Variants in CNTN3 observed in about 807,000 individuals in gnomAD.
CNTN3 encodes contactin-3.
A neutral mutation model predicts 119.1 loss-of-function variants in CNTN3; 60 were observed. The ratio of observed to expected loss-of-function variants is 0.50; its 90% CI spans 0.41 to 0.62. The LOEUF is 0.62. CNTN3 is among the 20% of genes least tolerant of loss of function. The probability of loss-of-function intolerance (pLI) is 0.00; values close to 1 mark genes in which losing one functional copy is unlikely to be tolerated. For missense variants in CNTN3, 1,101 were observed against 1,242.4 expected (o/e 0.89, Z 1.71); for synonymous variants, 450 against 438.7 (o/e 1.03, Z -0.32).
chr3:74,373,832 G>C (rs1406962019), intron 5 of CNTN3, among the ~76,000 whole-genome samples: 1 of 152,106 alleles, frequency 6.6e-6, no homozygotes, highest in East Asian at 1.9e-4. Flanking sequence ...GGTAGAAGAA[G>C]GAAGGAAGCC....
chr3:74,448,414 CTCTTCATCCTTAT>C (rs1702087042), intron 4 of CNTN3, among the ~76,000 whole-genome samples: 1 of 152,168 alleles, frequency 6.6e-6, no homozygotes, highest in Admixed American at 6.6e-5. Context: ...CATGAACTCA[CTCTTCATCCTTAT>C]TCTCCAAAAT....
At chr3:74,440,581 T>C (rs1231814511) in intron 4 of CNTN3, among the ~76,000 whole-genome samples, 1 of 152,140 alleles carries the variant, frequency 6.6e-6, no homozygotes, top group Non-Finnish European at 1.5e-5. Context: ...CATTGGTGGA[T>C]TGAACCAATT....
rs1380377807 is a variant in CNTN3 at position 74,556,135 on chromosome 3, A to G, written c.-80-34943T>C. Among the ~76,000 whole-genome samples the G allele has an allele frequency of 3.3e-5, 5 of 152,176 alleles. No individual in the cohort carries two copies. In the South Asian group the frequency reaches 1.0e-3, roughly 31 times the overall value. Reference sequence around the variant, plus strand: ...GATAATGCCCACTTTTTAAATAACCAAGTGGTTTATCAAGGTATACTTCAC... The same window carrying G: ...GATAATGCCCACTTTTTAAATAACCGAGTGGTTTATCAAGGTATACTTCAC... On this transcript the variant is annotated intron_variant, in intron 1 of 22. Transcript: ENST00000263665.
chr3:74,514,589 ACT>A (rs561288745), intron 2 of CNTN3, among the ~76,000 whole-genome samples: 29 of 152,060 alleles, frequency 1.9e-4, no homozygotes, highest in Admixed American at 1.5e-3. Flanking sequence ...AGATAAAATG[ACT>A]CTATCTTCTC....
chr3:74,475,899 T>TTCAGCTC (rs1304411760), intron 4 of CNTN3, among the ~76,000 whole-genome samples: 1 of 152,198 alleles, frequency 6.6e-6, no homozygotes, highest in Non-Finnish European at 1.5e-5. Flanking sequence ...GCCTTCTTGT[T>TTCAGCTC]TCAGCTCTCA....
chr3:74,411,569 T>C (rs532996215), intron 5 of CNTN3, among the ~76,000 whole-genome samples: 1 of 152,352 alleles, frequency 6.6e-6, no homozygotes, highest in East Asian at 1.9e-4. Context: ...GAAAAAGTTT[T>C]CTTTTTTAAT....
At chr3:74,433,907 A>T (rs907637011) in intron 4 of CNTN3, among the ~76,000 whole-genome samples, 1 of 152,122 alleles carries the variant, frequency 6.6e-6, no homozygotes, top group Non-Finnish European at 1.5e-5. Flanking sequence ...GGGCTCTGCC[A>T]GGATTAGAGC....
chr3:74,285,838 T>A lies in CNTN3; in HGVS notation c.2518-347A>T, dbSNP rs28503689. ...ATATATATATATATATATATATATA[T>A]AAAATTAAAAATAGGAACAAAGTGT... On this transcript the variant is annotated intron_variant, in intron 19 of 22. Transcript: ENST00000263665. Among the ~76,000 whole-genome samples the A allele has an allele frequency of 1.6e-3, 188 of 115,142 alleles. 1 individual carries two copies. The highest frequency in any genetic ancestry group is 5.2e-3 in the African/African-American group (158 of 30,152). 75.5% of individuals were successfully genotyped at this position (115,142 alleles called of 152,430 possible).
At chr3:74,513,292 C>G (rs1023105963) in intron 2 of CNTN3, among the ~76,000 whole-genome samples, 4 of 152,150 alleles carry the variant, frequency 2.6e-5, no homozygotes, top group Non-Finnish European at 5.9e-5. Context: ...TGACACCAAT[C>G]AATGTCACAA....
chr3:74,388,665 A>G (rs1308057218), intron 5 of CNTN3, among the ~76,000 whole-genome samples: 2 of 152,174 alleles, frequency 1.3e-5, no homozygotes, highest in Non-Finnish European at 2.9e-5. Context: ...AATACACAAT[A>G]TACCCTACCC....
At chr3:74,430,677 G>A (rs1701768645) in intron 4 of CNTN3, among the ~76,000 whole-genome samples, 1 of 152,126 alleles carries the variant, frequency 6.6e-6, no homozygotes, top group African/African-American at 2.4e-5. Flanking sequence ...AGGGTACTAT[G>A]AGGGATCCTT....
Position 74,403,870 on chromosome 3 carries a change from G to A in CNTN3, c.454+20975C>T, listed in dbSNP as rs188313196. ...TGGATTGACTGAGACTCCCTGCTCTGTCTACTCTTCTCTTTCCTTTTTTTT... is the reference window on the plus strand; with the variant it reads ...TGGATTGACTGAGACTCCCTGCTCTATCTACTCTTCTCTTTCCTTTTTTTT... On this transcript the variant is annotated intron_variant, in intron 5 of 22. Coordinates refer to ENST00000263665, the MANE Select transcript of CNTN3 (RefSeq NM_020872.3). Among the ~76,000 whole-genome samples the A allele has an allele frequency of 5.2e-4, 78 of 151,096 alleles. 1 individual carries two copies. The highest frequency in any genetic ancestry group is 1.8e-3 in the African/African-American group (72 of 40,668).
At chr3:74,563,018 G>A (rs989881062) in intron 1 of CNTN3, among the ~76,000 whole-genome samples, 1 of 152,098 alleles carries the variant, frequency 6.6e-6, no homozygotes, top group African/African-American at 2.4e-5. Flanking sequence ...CAATTAGATT[G>A]CCTGATTAGC....
rs117087177 is a variant in CNTN3, at chr3:74,401,558, A to G, written c.454+23287T>C. Among the ~76,000 whole-genome samples, 121 of 152,238 alleles carry G rather than the reference A, an allele frequency of 7.9e-4. 3 individuals carry two copies. In the East Asian group the frequency reaches 0.022, roughly 28 times the overall value. On this transcript the variant is annotated intron_variant, in intron 5 of 22. Coordinates refer to ENST00000263665, the MANE Select transcript of CNTN3 (RefSeq NM_020872.3). ...GAGTTGTCTGAAACAAGCTGATTTAAGGGACTAATGAAACATTTAAAAATA... is the reference window on the plus strand; with the variant it reads ...GAGTTGTCTGAAACAAGCTGATTTAGGGGACTAATGAAACATTTAAAAATA...
intron 11 of CNTN3, among the ~76,000 whole-genome samples, chr3:74,358,865 G>GT (rs1704009821): frequency 6.7e-6 from 1 of 148,394 alleles, no homozygotes; most frequent in African/African-American, 2.5e-5. Flanking sequence ...GCGGTGTTTG[G>GT]TTTTTTGTTC....
In CNTN3 at chr3:74,403,469, C is replaced by T. The variant is rs9878923; in HGVS notation, c.454+21376G>A. Among the ~76,000 whole-genome samples the T allele has an allele frequency of 7.0e-3, 1,058 of 152,226 alleles. 14 individuals are homozygous for T. The highest frequency in any genetic ancestry group is 0.024 in the African/African-American group (982 of 41,540). ...GGTTGAGTTAGGAATGAAACCAGAACTCAGACTCGACCCAGAAACTTCAGT... is the reference window on the plus strand; with the variant it reads ...GGTTGAGTTAGGAATGAAACCAGAATTCAGACTCGACCCAGAAACTTCAGT... On this transcript the variant is annotated intron_variant, in intron 5 of 22. Transcript: ENST00000263665.
At chr3:74,363,579 A>G (rs1486798852) in intron 10 of CNTN3, among the ~76,000 whole-genome samples, 3 of 152,160 alleles carry the variant, frequency 2.0e-5, no homozygotes, top group African/African-American at 2.4e-5. Context: ...TGGTTCAGAA[A>G]CAAGTATTAA....
intron 1 of CNTN3, among the ~76,000 whole-genome samples, chr3:74,563,936 A>T (rs1241988861): frequency 6.6e-6 from 1 of 152,090 alleles, no homozygotes; most frequent in East Asian, 1.9e-4. Context: ...CTCTTGGGCT[A>T]TTTGTTTATC....
chr3:74,489,107 C>T (rs966973589), intron 3 of CNTN3, among the ~76,000 whole-genome samples: 1 of 152,166 alleles, frequency 6.6e-6, no homozygotes, highest in African/African-American at 2.4e-5. Context: ...CATTCACACT[C>T]CTTGTGAATA....
Sources: gnomAD v4.1 joint callset for allele counts (sites outside exome capture counted in the v4.1 genomes callset) on GRCh38, gnomAD v4.1.1 for gene constraint, MANE v1.5 for transcripts, NCBI Gene and HGNC (gene_info 2026-07-23, HGNC 2026-07-21) for gene names.